NAALADL2: variants seen among roughly 807,000 people sequenced by gnomAD.
NAALADL2 encodes the protein N-acetylated alpha-linked acidic dipeptidase like 2.
In NAALADL2, 76 loss-of-function variants were observed where a neutral mutation model predicts 87.2. The ratio of observed to expected loss-of-function variants is 0.87; its 90% CI spans 0.72 to 1.05. The LOEUF (loss-of-function observed/expected upper bound fraction) is 1.05, where lower values mean the gene tolerates loss of function less well. NAALADL2 is among the 50% of genes least tolerant of loss of function. The pLI is 0.00. For synonymous variants in NAALADL2, 354 were observed against 331.0 expected (o/e 1.07, Z -0.75); for missense variants, 1,089 against 945.8 (o/e 1.15, Z -1.99).
At chr3:174,590,803 T>G (rs1717280433) in intron 2 of NAALADL2, among the ~76,000 whole-genome samples, 1 of 152,122 alleles carries the variant, frequency 6.6e-6, no homozygotes, top group Non-Finnish European at 1.5e-5. Context: ...GAGGATTAAT[T>G]GAGATAATGC....
intron 11 of NAALADL2, among the ~76,000 whole-genome samples, chr3:175,726,145 G>T (rs369167113): frequency 1.3e-5 from 2 of 151,304 alleles, no homozygotes; most frequent in African/African-American, 4.9e-5. Context: ...CATTAAAAAT[G>T]CCAAAAAGCT....
intron 1 of NAALADL2, among the ~76,000 whole-genome samples, chr3:174,987,812 T>TATATATATAAA (rs1553911297): frequency 8.3e-6 from 1 of 120,084 alleles, no homozygotes; most frequent in African/African-American, 4.6e-5. Flanking sequence ...ATATATATAA[T>TATATATATAAA]TATATATATA....
chr3:175,002,202 G>A (rs982062728), intron 1 of NAALADL2, among the ~76,000 whole-genome samples: 2 of 152,088 alleles, frequency 1.3e-5, no homozygotes, highest in African/African-American at 4.8e-5. Context: ...TGTTGAAAAG[G>A]TCACAAAGAC....
chr3:174,939,591 C>T (rs1738252235), intron 1 of NAALADL2, among the ~76,000 whole-genome samples: 3 of 152,064 alleles, frequency 2.0e-5, no homozygotes, highest in South Asian at 2.1e-4. Flanking sequence ...CTGTAAATTG[C>T]TTTGAGTGAT....
At chr3:175,039,133 A>AT (rs1226903788) in intron 1 of NAALADL2, among the ~76,000 whole-genome samples, 2 of 152,098 alleles carry the variant, frequency 1.3e-5, no homozygotes, top group Non-Finnish European at 2.9e-5. Flanking sequence ...CTCCTGGTTT[A>AT]TTTTTTATAA....
At chr3:175,025,982 TG>T (rs895961986) in intron 1 of NAALADL2, among the ~76,000 whole-genome samples, 3 of 152,002 alleles carry the variant, frequency 2.0e-5, no homozygotes, top group African/African-American at 7.2e-5. Context: ...GAGAATTTTT[TG>T]TAATTTTTGT....
At chr3:175,409,459 G>T (rs1421295940) in intron 5 of NAALADL2, among the ~76,000 whole-genome samples, 1 of 151,692 alleles carries the variant, frequency 6.6e-6, no homozygotes, top group African/African-American at 2.4e-5. Context: ...TACCCATATT[G>T]TTGACTCACC....
chr3:175,651,955 G>A (rs1186791899), intron 11 of NAALADL2, among the ~76,000 whole-genome samples: 2 of 152,142 alleles, frequency 1.3e-5, no homozygotes, highest in African/African-American at 4.8e-5. Flanking sequence ...ATTTGCTCAT[G>A]TTCAGAGCAG....
At chr3:175,769,208 A>G (rs868756665) in intron 13 of NAALADL2, among the ~76,000 whole-genome samples, 1 of 152,356 alleles carries the variant, frequency 6.6e-6, no homozygotes, top group Non-Finnish European at 1.5e-5. Context: ...AGTGTCTACC[A>G]TAGGCAGAAC....
Position 175,032,543 on chromosome 3 carries a change from A to G in NAALADL2, c.44-64247A>G, listed in dbSNP as rs570891160. Among the ~76,000 whole-genome samples, 3 of 152,190 alleles carry G rather than the reference A, an allele frequency of 2.0e-5. No homozygotes were observed. In the East Asian group the frequency reaches 5.8e-4, roughly 30 times the overall value. Reference sequence around the variant, plus strand: ...ATATAGAACTTGTACCACAATAACAAATATTATATAATTTAATTTTTCAGC... The same window carrying G: ...ATATAGAACTTGTACCACAATAACAGATATTATATAATTTAATTTTTCAGC... On this transcript the variant is annotated intron_variant, in intron 1 of 13. Transcript: ENST00000454872.
chr3:175,709,309 A>C (rs898170281), intron 11 of NAALADL2, among the ~76,000 whole-genome samples: 2 of 152,164 alleles, frequency 1.3e-5, no homozygotes, highest in East Asian at 3.9e-4. Context: ...CATTGGACTG[A>C]CACCTCCTGT....
intron 11 of NAALADL2, among the ~76,000 whole-genome samples, chr3:175,642,601 T>C (rs891942952): frequency 5.5e-4 from 84 of 151,636 alleles, no homozygotes; most frequent in East Asian, 3.9e-4. Flanking sequence ...TCTGGGTTCA[T>C]GCCATTCTCC....
chr3:174,648,008 A>G (rs1032101745), intron 2 of NAALADL2, among the ~76,000 whole-genome samples: 2 of 152,208 alleles, frequency 1.3e-5, no homozygotes, highest in African/African-American at 4.8e-5. Context: ...CAAAAGTTAA[A>G]GGGTATTATG....
chr3:175,374,449 G>C (rs1485640799), intron 5 of NAALADL2, among the ~76,000 whole-genome samples: 3 of 146,348 alleles, frequency 2.0e-5, no homozygotes, highest in Non-Finnish European at 3.0e-5. Context: ...AGCTACTCAG[G>C]AGGCTGAGGT....
intron 2 of NAALADL2, among the ~76,000 whole-genome samples, chr3:174,561,780 A>G (rs903760526): frequency 1.3e-5 from 2 of 152,200 alleles, no homozygotes; most frequent in Non-Finnish European, 2.9e-5. Context: ...AATGTGTTCA[A>G]TTACTTTTAC....
chr3:175,708,086 G>C (rs1561011483), intron 11 of NAALADL2, among the ~76,000 whole-genome samples: 1 of 151,970 alleles, frequency 6.6e-6, no homozygotes. Context: ...CAAGGAGTTG[G>C]CCCATTAAGA....
At chr3:174,903,979 ATCTATT>A (rs1297911560) in intron 1 of NAALADL2, among the ~76,000 whole-genome samples, 59 of 124,598 alleles carry the variant, frequency 4.7e-4, no homozygotes, top group Admixed American at 2.1e-3. Context: ...CTATATCTAT[ATCTATT>A]TCTATATCTA....
chr3:175,276,038 T>G (rs146352606), intron 4 of NAALADL2, among the ~76,000 whole-genome samples: 1,593 of 151,286 alleles, frequency 0.011, 15 homozygotes, highest in Non-Finnish European at 0.016. Context: ...TATAGCCACA[T>G]GAAAAAATGG....
At chr3:174,753,068 A>C (rs534145902) in intron 3 of NAALADL2, among the ~76,000 whole-genome samples, 1 of 152,254 alleles carries the variant, frequency 6.6e-6, no homozygotes, top group Non-Finnish European at 1.5e-5. Flanking sequence ...TAATTTGCTA[A>C]CAAATTTACC....
Sources: allele counts gnomAD v4.1 joint callset (sites outside exome capture counted in the v4.1 genomes callset), GRCh38; gene constraint gnomAD v4.1.1; transcripts MANE v1.5; gene names NCBI Gene and HGNC (gene_info 2026-07-23, HGNC 2026-07-21).